The following AUTS2 variants were observed in gnomAD, a reference collection of about 807,000 sequenced individuals.
AUTS2 encodes the protein autism susceptibility gene 2 protein.
AUTS2 carries 17 observed loss-of-function variants against 112.4 expected under a neutral mutation model. The ratio of observed to expected loss-of-function variants is 0.15; its 90% CI spans 0.10 to 0.23. The LOEUF is 0.23. Ranked by LOEUF, AUTS2 falls within the 10% of genes least tolerant of loss-of-function variation. The probability of loss-of-function intolerance (pLI) is 1.00; values close to 1 mark genes in which losing one functional copy is unlikely to be tolerated. For synonymous variants in AUTS2, 751 were observed against 702.7 expected (o/e 1.07, Z -1.09); for missense variants, 1,510 against 1,701.6 (o/e 0.89, Z 1.98).
intron 4 of AUTS2, among the ~76,000 whole-genome samples, chr7:70,329,122 A>G (rs1259012299): frequency 1.3e-5 from 2 of 152,154 alleles, no homozygotes; most frequent in Admixed American, 6.5e-5. Flanking sequence ...ACTCCTTTTT[A>G]TAGCTGAATA....
intron 1 of AUTS2, among the ~76,000 whole-genome samples, chr7:69,791,448 C>T (rs570224772): frequency 8.5e-5 from 13 of 152,162 alleles, no homozygotes; most frequent in African/African-American, 1.2e-4. Flanking sequence ...AATCATCTCC[C>T]TGTATTTAGT....
intron 1 of AUTS2, among the ~76,000 whole-genome samples, chr7:69,767,928 C>T (rs763964632): frequency 6.6e-6 from 1 of 152,184 alleles, no homozygotes; most frequent in Non-Finnish European, 1.5e-5. Flanking sequence ...TAGTCACTGC[C>T]TCTTCTGTGC....
intron 4 of AUTS2, among the ~76,000 whole-genome samples, chr7:70,311,967 G>C (rs1216908313): frequency 6.6e-6 from 1 of 152,132 alleles, no homozygotes; most frequent in Non-Finnish European, 1.5e-5. Flanking sequence ...GCCCGCCTTG[G>C]CCTCCCAAAG....
intron 4 of AUTS2, among the ~76,000 whole-genome samples, chr7:70,256,969 C>A (rs1786906436): frequency 6.6e-6 from 1 of 152,018 alleles, no homozygotes; most frequent in African/African-American, 2.4e-5. Context: ...CATATTGTGC[C>A]CCAGCTATAA....
At chr7:70,186,495 G>T (rs558856148) in intron 4 of AUTS2, among the ~76,000 whole-genome samples, 2 of 152,192 alleles carry the variant, frequency 1.3e-5, no homozygotes, top group Admixed American at 6.5e-5. Flanking sequence ...CAAAAGATAA[G>T]TTGTTCAGAT....
intron 5 of AUTS2, among the ~76,000 whole-genome samples, chr7:70,541,775 A>G (rs1474946520): frequency 6.6e-6 from 1 of 152,222 alleles, no homozygotes; most frequent in Non-Finnish European, 1.5e-5. Flanking sequence ...CGTAGAGGAA[A>G]GGTGCTTCAC....
intron 5 of AUTS2, among the ~76,000 whole-genome samples, chr7:70,643,746 T>C (rs1301072901): frequency 6.6e-6 from 1 of 152,186 alleles, no homozygotes; most frequent in Non-Finnish European, 1.5e-5. Context: ...ATTGAATGTA[T>C]CATCTCTGAT....
chr7:70,299,179 GA>G (rs1203274180), intron 4 of AUTS2, among the ~76,000 whole-genome samples: 1 of 152,194 alleles, frequency 6.6e-6, no homozygotes, highest in Non-Finnish European at 1.5e-5. Flanking sequence ...AGATGGAAAT[GA>G]TTTTTTTCAT....
rs150842129 is a variant in AUTS2, at chr7:69,693,915, C to T, written c.309+93953C>T. 2.8e-3 allele frequency among the ~76,000 whole-genome samples: 426 copies of T among 152,266 alleles called. 1 individual carries two copies. The highest frequency in any genetic ancestry group is 4.6e-3 in the Admixed American group (70 of 15,304). On this transcript the variant is annotated intron_variant, in intron 1 of 18. Coordinates refer to ENST00000342771, the MANE Select transcript of AUTS2 (RefSeq NM_015570.4). ...TTCCCTTATCAGAAATTTTAATACGCTGTGTAGGGTGATTCTAATGCCTGC... is the reference window on the plus strand; with the variant it reads ...TTCCCTTATCAGAAATTTTAATACGTTGTGTAGGGTGATTCTAATGCCTGC...
intron 5 of AUTS2, among the ~76,000 whole-genome samples, chr7:70,554,370 C>CTTTTTTTT (rs947429302): frequency 2.1e-5 from 3 of 143,244 alleles, no homozygotes; most frequent in Admixed American, 7.0e-5. Flanking sequence ...TGCCCGGCCT[C>CTTTTTTTT]TTTTTTTTCT....
intron 5 of AUTS2, among the ~76,000 whole-genome samples, chr7:70,629,165 A>G (rs1805123616): frequency 6.6e-6 from 1 of 152,124 alleles, no homozygotes; most frequent in African/African-American, 2.4e-5. Context: ...GTGCAAACCA[A>G]CCCTTCTATT....
intron 4 of AUTS2, among the ~76,000 whole-genome samples, chr7:70,421,970 A>G (rs966268637): frequency 6.6e-6 from 1 of 152,212 alleles, no homozygotes; most frequent in African/African-American, 2.4e-5. Flanking sequence ...GATATAGAAG[A>G]CTAGGTTTTA....
chr7:70,240,249 T>C (rs1471557965), intron 4 of AUTS2, among the ~76,000 whole-genome samples: 1 of 152,212 alleles, frequency 6.6e-6, no homozygotes, highest in Non-Finnish European at 1.5e-5. Flanking sequence ...TGATGTAACC[T>C]GGTAACTAGT....
chr7:70,664,563 G>A (rs1044682894), intron 5 of AUTS2, among the ~76,000 whole-genome samples: 1 of 152,118 alleles, frequency 6.6e-6, no homozygotes, highest in Non-Finnish European at 1.5e-5. Context: ...GGGTATATTT[G>A]TGGCCATTGT....
intron 1 of AUTS2, among the ~76,000 whole-genome samples, chr7:69,829,987 A>G (rs746046581): frequency 1.8e-4 from 28 of 152,234 alleles, no homozygotes; most frequent in Non-Finnish European, 2.4e-4. Flanking sequence ...GAACTAACCC[A>G]GATGCCCATC....
chr7:69,661,023 C>T (rs1200403798), intron 1 of AUTS2, among the ~76,000 whole-genome samples: 1 of 152,218 alleles, frequency 6.6e-6, no homozygotes, highest in Non-Finnish European at 1.5e-5. Flanking sequence ...ACAATCAAAG[C>T]AGCTAAACAA....
At chr7:70,738,070 G>T (rs1050272703) in intron 6 of AUTS2, among the ~76,000 whole-genome samples, 1 of 152,144 alleles carries the variant, frequency 6.6e-6, no homozygotes, top group African/African-American at 2.4e-5. Flanking sequence ...ACATGAGGAG[G>T]TATGGCCGGG....
In AUTS2 at chr7:70,049,673, C is replaced by G. The variant is rs1249321120; in HGVS notation, c.523-68459C>G. On this transcript the variant is annotated intron_variant, in intron 2 of 18. Transcript: ENST00000342771. Reference sequence around the variant, plus strand: ...TTATCACCAACTGAATTCTTCTCATCATATTTTTAGGTTTTAAATTGTCTG... The same window carrying G: ...TTATCACCAACTGAATTCTTCTCATGATATTTTTAGGTTTTAAATTGTCTG... Among the ~76,000 whole-genome samples the G allele has an allele frequency of 2.6e-5, 4 of 151,962 alleles. No individual in the cohort carries two copies. In the South Asian group the frequency reaches 6.2e-4, roughly 24 times the overall value.
chr7:70,240,661 GT>G (rs1812563761), intron 4 of AUTS2, among the ~76,000 whole-genome samples: 1 of 152,150 alleles, frequency 6.6e-6, no homozygotes, highest in South Asian at 2.1e-4. Context: ...CATTGAACAT[GT>G]GATCCTCTAG....
Sources: gnomAD v4.1 joint callset for allele counts (sites outside exome capture counted in the v4.1 genomes callset) on GRCh38, gnomAD v4.1.1 for gene constraint, MANE v1.5 for transcripts, NCBI Gene and HGNC (gene_info 2026-07-23, HGNC 2026-07-21) for gene names.